The following MAGI3 variants were observed in gnomAD, a reference collection of about 807,000 sequenced individuals.
MAGI3 encodes the protein membrane-associated guanylate kinase, WW and PDZ domain-containing protein 3.
MAGI3 carries 43 observed loss-of-function variants against 121.8 expected under a neutral mutation model. The ratio of observed to expected loss-of-function variants is 0.35; its 90% CI spans 0.28 to 0.46. The LOEUF is 0.46. MAGI3 is among the 20% of genes least tolerant of loss of function. The probability of loss-of-function intolerance (pLI) is 1.00; values close to 1 mark genes in which losing one functional copy is unlikely to be tolerated. For synonymous variants in MAGI3, 553 were observed against 639.3 expected (o/e 0.86, Z 2.04); for missense variants, 1,547 against 1,797.3 (o/e 0.86, Z 2.52).
chr1:113,575,962 G>A (rs866542429), intron 2 of MAGI3, among the ~76,000 whole-genome samples: 84 of 152,298 alleles, frequency 5.5e-4, no homozygotes, highest in African/African-American at 1.6e-3. Flanking sequence ...CACACAGTCC[G>A]AACTTCCTGG....
At chr1:113,641,128 T>TAAATC (rs1553211926) in intron 9 of MAGI3, among the ~76,000 whole-genome samples, 1 of 74,674 alleles carries the variant, frequency 1.3e-5, no homozygotes, top group African/African-American at 4.8e-5. Flanking sequence ...GAGATATATA[T>TAAATC]TATATATATG....
chr1:113,469,320 CAT>C (rs1390144491), intron 1 of MAGI3, among the ~76,000 whole-genome samples: 7 of 152,084 alleles, frequency 4.6e-5, no homozygotes, highest in Non-Finnish European at 8.8e-5. Flanking sequence ...AAAGAAATGT[CAT>C]GTAATTTTGG....
chr1:113,560,840 G>GA (rs1660205189), intron 2 of MAGI3, among the ~76,000 whole-genome samples: 1 of 151,786 alleles, frequency 6.6e-6, no homozygotes, highest in East Asian at 1.9e-4. Context: ...CTGGGTTTTT[G>GA]AAAAAAATAA....
At chr1:113,623,198 G>C (rs1436796669) in intron 9 of MAGI3, among the ~76,000 whole-genome samples, 2 of 151,704 alleles carry the variant, frequency 1.3e-5, no homozygotes, top group Non-Finnish European at 2.9e-5. Flanking sequence ...GGATACATGA[G>C]ATATTATACT....
intron 1 of MAGI3, among the ~76,000 whole-genome samples, chr1:113,545,034 C>CTT (rs71090708): frequency 2.4e-4 from 35 of 143,358 alleles, no homozygotes; most frequent in Non-Finnish European, 3.6e-4. Context: ...GTTATTGTCA[C>CTT]TTTTTTTTTT....
intron 13 of MAGI3, among the ~76,000 whole-genome samples, chr1:113,650,199 G>C (rs1653078253): frequency 6.6e-6 from 1 of 152,000 alleles, no homozygotes; most frequent in Non-Finnish European, 1.5e-5. Context: ...AGTTACAACA[G>C]TCATTGGAGA....
intron 9 of MAGI3, among the ~76,000 whole-genome samples, chr1:113,625,076 A>T (rs1651138989): frequency 6.6e-6 from 1 of 152,144 alleles, no homozygotes; most frequent in Non-Finnish European, 1.5e-5. Context: ...TGCCAATACC[A>T]TCTTCCTTTA....
intron 1 of MAGI3, among the ~76,000 whole-genome samples, chr1:113,456,626 A>T (rs749517488): frequency 6.6e-6 from 1 of 152,218 alleles, no homozygotes; most frequent in Non-Finnish European, 1.5e-5. Flanking sequence ...ATATTAGATT[A>T]AAAATGAAAA....
At chr1:113,437,684 C>G (rs550890123) in intron 1 of MAGI3, among the ~76,000 whole-genome samples, 34 of 152,062 alleles carry the variant, frequency 2.2e-4, no homozygotes, top group African/African-American at 8.2e-4. Flanking sequence ...GCTCCTCCTC[C>G]TTTTCCTTTT....
intron 1 of MAGI3, among the ~76,000 whole-genome samples, chr1:113,467,929 A>G (rs978295077): frequency 1.3e-5 from 2 of 152,232 alleles, no homozygotes; most frequent in African/African-American, 4.8e-5. Context: ...ATAAATATTT[A>G]TAATTGCTAT....
intron 1 of MAGI3, among the ~76,000 whole-genome samples, chr1:113,424,967 C>T (rs1451010127): frequency 6.6e-6 from 1 of 152,062 alleles, no homozygotes; most frequent in Non-Finnish European, 1.5e-5. Context: ...AACCCCGTCT[C>T]TACTAAAAAT....
chr1:113,532,987 A>G (rs918561561), intron 1 of MAGI3, among the ~76,000 whole-genome samples: 4 of 152,200 alleles, frequency 2.6e-5, no homozygotes, highest in African/African-American at 9.6e-5. Flanking sequence ...TTGACCATGA[A>G]AAATAAGGTG....
At chr1:113,619,537 A>G (rs1338250548) in intron 7 of MAGI3, among the ~76,000 whole-genome samples, 199 bp from the exon 8 acceptor site, 3 of 152,222 alleles carry the variant, frequency 2.0e-5, no homozygotes, top group Non-Finnish European at 2.9e-5. Flanking sequence ...CAAAAGCTTC[A>G]CAGCTTGGCA....
intron 9 of MAGI3, among the ~76,000 whole-genome samples, chr1:113,629,757 T>TCCCTCTCC (rs1553209674): frequency 7.9e-4 from 76 of 95,726 alleles, no homozygotes; most frequent in East Asian, 1.5e-3. Flanking sequence ...TCTCTCTCTC[T>TCCCTCTCC]CTCTCCCTCC....
chr1:113,477,554 C>G (rs939581805), intron 1 of MAGI3, among the ~76,000 whole-genome samples: 2 of 152,128 alleles, frequency 1.3e-5, no homozygotes, highest in African/African-American at 4.8e-5. Context: ...GAATATCGGC[C>G]CCCACTGTCT....
At chr1:113,515,904 G>T (rs1411374321) in intron 1 of MAGI3, among the ~76,000 whole-genome samples, 2 of 152,032 alleles carry the variant, frequency 1.3e-5, no homozygotes, top group African/African-American at 4.8e-5. Context: ...TACTATTATA[G>T]ATCAATTGTG....
At chr1:113,534,323 A>T (rs894161919) in intron 1 of MAGI3, among the ~76,000 whole-genome samples, 1 of 152,176 alleles carries the variant, frequency 6.6e-6, no homozygotes, top group Non-Finnish European at 1.5e-5. Flanking sequence ...TAGTGACTTC[A>T]CCACAGAGTA....
chr1:113,674,999 C>T (rs973471094), intron 19 of MAGI3, among the ~76,000 whole-genome samples: 1 of 152,182 alleles, frequency 6.6e-6, no homozygotes, highest in Non-Finnish European at 1.5e-5. Context: ...GTACAGGGAA[C>T]TTCAAATGGT....
At chr1:113,584,868 A>T (rs541649208) in intron 3 of MAGI3, among the ~76,000 whole-genome samples, 1 of 152,064 alleles carries the variant, frequency 6.6e-6, no homozygotes, top group Non-Finnish European at 1.5e-5. Flanking sequence ...TGTGAAGAGC[A>T]CTTGAGAAAT....
Sources: allele counts gnomAD v4.1 joint callset (sites outside exome capture counted in the v4.1 genomes callset), GRCh38; gene constraint gnomAD v4.1.1; transcripts MANE v1.5; gene names NCBI Gene and HGNC (gene_info 2026-07-23, HGNC 2026-07-21).